Variants in ETF1 observed in about 807,000 individuals in gnomAD.
ETF1 encodes the protein eukaryotic peptide chain release factor subunit 1.
Under a neutral mutation model 55.1 loss-of-function variants are expected in ETF1, and 4 were observed. That is an observed-to-expected ratio of 0.07 (90% CI 0.04 to 0.17). The LOEUF is 0.17. ETF1 is among the 10% of genes least tolerant of loss of function. The pLI is 1.00. For missense variants in ETF1, 142 were observed against 523.6 expected (o/e 0.27, Z 7.11); for synonymous variants, 157 against 182.3 (o/e 0.86, Z 1.12).
intron 2 of ETF1, among the ~76,000 whole-genome samples, chr5:138,521,172 C>A (rs1269444193): frequency 1.3e-5 from 2 of 152,134 alleles, no homozygotes; most frequent in Admixed American, 6.6e-5. Context: ...AATTCTGACA[C>A]ACAAAATGGA....
intron 2 of ETF1, chr5:138,541,695 G>A (rs1024073734): frequency 1.5e-6 from 2 of 1,334,420 alleles, no homozygotes; most frequent in Admixed American, 2.7e-5. Context: ...ATGGCCTGAG[G>A]CAGGCCATTC....
At chr5:138,541,427 G>A in intron 2 of ETF1, 3 of 834,680 alleles carry the variant, frequency 3.6e-6, no homozygotes, top group Non-Finnish European at 5.8e-6. Context: ...GTGAGCACAA[G>A]CCCGTCACTG....
At chr5:138,516,296 T>C (rs944383354) in intron 4 of ETF1, among the ~76,000 whole-genome samples, 2 of 152,174 alleles carry the variant, frequency 1.3e-5, no homozygotes, top group African/African-American at 2.4e-5. Flanking sequence ...CATAGTGTGA[T>C]AGCTCACATT....
At chr5:138,508,863 G>C (rs1293747216) in intron 9 of ETF1, 47 bp from the exon 10 acceptor site, 6 of 1,594,120 alleles carry the variant, frequency 3.8e-6, no homozygotes, top group Non-Finnish European at 5.1e-6. Context: ...TAGGATATAT[G>C]AAGGCTAATT....
At chr5:138,542,113 G>A (rs965313645) in intron 2 of ETF1, among the ~76,000 whole-genome samples, 5 of 152,096 alleles carry the variant, frequency 3.3e-5, no homozygotes, top group African/African-American at 4.8e-5. Flanking sequence ...CTATCAAACG[G>A]CCCCCTAACC....
intron 4 of ETF1, among the ~76,000 whole-genome samples, chr5:138,514,718 G>C (rs1764946340): frequency 2.0e-5 from 3 of 151,890 alleles, no homozygotes; most frequent in Admixed American, 1.3e-4. Context: ...GCATGAGCCA[G>C]CATGTCTTTA....
chr5:138,539,775 T>G (rs1229014438), intron 2 of ETF1, among the ~76,000 whole-genome samples: 1 of 152,230 alleles, frequency 6.6e-6, no homozygotes, highest in Non-Finnish European at 1.5e-5. Context: ...GAATCTGTTA[T>G]AGCTCAGACT....
At chr5:138,512,717 A>C in intron 6 of ETF1, 47 bp downstream of exon 6, 2 of 1,511,284 alleles carry the variant, frequency 1.3e-6, no homozygotes, top group Non-Finnish European at 1.8e-6. Context: ...GGACTCACCT[A>C]CTCCTACCTA....
chr5:138,537,766 G>A (rs1446468898), intron 2 of ETF1, among the ~76,000 whole-genome samples: 1 of 148,694 alleles, frequency 6.7e-6, no homozygotes, highest in East Asian at 2.0e-4. Context: ...ATTTTTAGTA[G>A]AGACAGGGTT....
chr5:138,534,216 A>G (rs979464725), intron 2 of ETF1, among the ~76,000 whole-genome samples: 3 of 152,232 alleles, frequency 2.0e-5, no homozygotes, highest in Non-Finnish European at 4.4e-5. Context: ...TGTCCCCCAG[A>G]GAACAAAGAT....
In ETF1 at chr5:138,534,997, C is replaced by T. The variant is rs542285799; in HGVS notation, c.86+7836G>A. ...TTTTTTTTTTTTGAGACAGAGTCTC[C>T]CTCTATAGCCCAGGCTGGTATTGGC... On this transcript the variant is annotated intron_variant, in intron 2 of 10. Transcript: ENST00000360541. 1.8e-3 allele frequency among the ~76,000 whole-genome samples: 267 copies of T among 150,856 alleles called. 1 individual carries two copies. Among genetic ancestry groups the T allele is most frequent in the African/African-American group, 6.3e-3 (257 of 41,044 alleles).
At chr5:138,519,118 A>G in intron 2 of ETF1, 1 of 984,598 alleles carries the variant, frequency 1.0e-6, no homozygotes, top group Non-Finnish European at 1.2e-6. Context: ...ACTTGGAGAG[A>G]TACTTGAGAA....
chr5:138,542,707 A>C, intron 2 of ETF1, 126 bp downstream of exon 2: 1 of 1,514,218 alleles, frequency 6.6e-7, no homozygotes. Flanking sequence ...GCTACTACCC[A>C]GAGATCCAGA....
chr5:138,510,504 G>A, intron 9 of ETF1, 61 bp downstream of exon 9: 1 of 1,313,684 alleles, frequency 7.6e-7, no homozygotes, highest in African/African-American at 1.4e-5. Context: ...TACACAGCCA[G>A]TACTCTAACA....
intron 2 of ETF1, among the ~76,000 whole-genome samples, chr5:138,531,691 A>T (rs1004400814): frequency 6.6e-6 from 1 of 152,154 alleles, no homozygotes; most frequent in African/African-American, 2.4e-5. Context: ...TGGATGGCCA[A>T]ATTTTTCACC....
At chr5:138,526,022 T>G (rs1468318951) in intron 2 of ETF1, among the ~76,000 whole-genome samples, 1 of 151,952 alleles carries the variant, frequency 6.6e-6, no homozygotes, top group Non-Finnish European at 1.5e-5. Context: ...TGTAAGAAAG[T>G]TACTTCCTGA....
intron 2 of ETF1, chr5:138,529,509 G>A (rs1195394334): frequency 9.0e-6 from 6 of 664,828 alleles, no homozygotes; most frequent in East Asian, 1.4e-4. Flanking sequence ...ACAGCAATGT[G>A]TCACATGCAG....
intron 2 of ETF1, among the ~76,000 whole-genome samples, chr5:138,537,356 C>T (rs1765979180): frequency 6.6e-6 from 1 of 152,168 alleles, no homozygotes; most frequent in Non-Finnish European, 1.5e-5. Flanking sequence ...AAAGAGCTAA[C>T]ATTACAGAGC....
At chr5:138,527,996 T>C (rs1765548165) in intron 2 of ETF1, among the ~76,000 whole-genome samples, 1 of 152,114 alleles carries the variant, frequency 6.6e-6, no homozygotes, top group Admixed American at 6.5e-5. Flanking sequence ...GGTCTCGAAC[T>C]CCCGACCTCA....
Sources: gnomAD v4.1 joint callset for allele counts (sites outside exome capture counted in the v4.1 genomes callset) on GRCh38, gnomAD v4.1.1 for gene constraint, MANE v1.5 for transcripts, NCBI Gene and HGNC (gene_info 2026-07-23, HGNC 2026-07-21) for gene names.